Variants in ATP8A2 observed in about 807,000 individuals in gnomAD.
ATP8A2 encodes ATPase phospholipid transporting 8A2.
Under a neutral mutation model 165.6 loss-of-function variants are expected in ATP8A2, and 100 were observed. The observed-to-expected ratio is 0.60, with a 90% CI of 0.51 to 0.71. The LOEUF (loss-of-function observed/expected upper bound fraction) is 0.71, where lower values mean the gene tolerates loss of function less well. Among genes scored for constraint, ATP8A2 ranks in the 30% least tolerant of loss-of-function variants. The pLI, the probability that ATP8A2 is intolerant of heterozygous loss-of-function variation, is 0.00. For missense variants in ATP8A2, 1,227 were observed against 1,479.5 expected (o/e 0.83, Z 2.80); for synonymous variants, 543 against 548.8 (o/e 0.99, Z 0.15).
intron 27 of ATP8A2, among the ~76,000 whole-genome samples, chr13:25,779,343 C>T (rs375401325): frequency 8.2e-6 from 1 of 121,984 alleles, no homozygotes; most frequent in African/African-American, 3.2e-5. Flanking sequence ...CTGTTGTTGT[C>T]TAGAATGCTC....
chr13:25,427,621 C>T (rs1433737859), intron 1 of ATP8A2, among the ~76,000 whole-genome samples: 1 of 152,116 alleles, frequency 6.6e-6, no homozygotes, highest in Non-Finnish European at 1.5e-5. Flanking sequence ...AATGGCTGAG[C>T]ACAGTGGCTC....
chr13:25,615,266 G>T (rs559684966), intron 24 of ATP8A2, among the ~76,000 whole-genome samples: 1 of 152,260 alleles, frequency 6.6e-6, no homozygotes, highest in Admixed American at 6.5e-5. Context: ...TATCTTCCCA[G>T]GGGGATTATG....
At chr13:25,539,275 T>G (rs1385304866) in intron 7 of ATP8A2, among the ~76,000 whole-genome samples, 1 of 152,046 alleles carries the variant, frequency 6.6e-6, no homozygotes, top group Non-Finnish European at 1.5e-5. Flanking sequence ...TTTTAAAAAT[T>G]TTTTTGTAGA....
rs1481591043 is a variant in ATP8A2 at position 26,025,545 on chromosome 13, G to A, written c.*5560G>A. On this transcript the variant is annotated 3_prime_UTR_variant, in exon 37 of 37. Coordinates refer to ENST00000381655, the MANE Select transcript of ATP8A2 (RefSeq NM_016529.6). ...TAATCTGGTGATGCAGAGGGAAGCA[G>A]GGCTGTGGGGGCACGTTTAATTGGC... is the stretch of plus-strand genomic sequence containing the variant. 1 of 152,332 alleles carries A rather than the reference G, an allele frequency of 6.6e-6. No individual in the cohort carries two copies. The highest frequency in any genetic ancestry group is 1.5e-5 in the Non-Finnish European group (1 of 68,082). 9.4% of individuals were successfully genotyped at this position (152,332 alleles called of 1,614,324 possible).
At chr13:25,835,245 C>G (rs545587099) in intron 28 of ATP8A2, among the ~76,000 whole-genome samples, 1 of 152,194 alleles carries the variant, frequency 6.6e-6, no homozygotes, top group South Asian at 2.1e-4. Flanking sequence ...GAAGCTCTGT[C>G]CAGCTATAAA....
At chr13:25,685,866 C>T (rs1363479985) in intron 24 of ATP8A2, among the ~76,000 whole-genome samples, 1 of 152,080 alleles carries the variant, frequency 6.6e-6, no homozygotes, top group Non-Finnish European at 1.5e-5. Flanking sequence ...GGTGGAGGCC[C>T]AGGGACAGTT....
At chr13:25,776,923 G>A (rs1230870001) in intron 27 of ATP8A2, among the ~76,000 whole-genome samples, 1 of 151,282 alleles carries the variant, frequency 6.6e-6, no homozygotes, top group African/African-American at 2.4e-5. Context: ...TTTTCAGATC[G>A]TCCCCTAGGG....
chr13:25,799,612 C>T (rs2138447111), intron 27 of ATP8A2, among the ~76,000 whole-genome samples: 1 of 152,306 alleles, frequency 6.6e-6, no homozygotes, highest in Non-Finnish European at 1.5e-5. Flanking sequence ...CAGCTGTGGG[C>T]TGCAGAAGAG....
At chr13:25,587,935 A>G (rs1397685777) in intron 23 of ATP8A2, among the ~76,000 whole-genome samples, 3 of 152,218 alleles carry the variant, frequency 2.0e-5, no homozygotes, top group African/African-American at 7.2e-5. Flanking sequence ...TTGTAAATGT[A>G]TAGAAAATTG....
At chr13:25,808,239 C>G (rs769369220) in intron 27 of ATP8A2, among the ~76,000 whole-genome samples, 5 of 151,408 alleles carry the variant, frequency 3.3e-5, no homozygotes, top group Non-Finnish European at 5.9e-5. Context: ...AAGTGATTCT[C>G]CCACTTCAAC....
At chr13:25,809,125 C>G (rs1375668007) in intron 27 of ATP8A2, among the ~76,000 whole-genome samples, 1 of 152,110 alleles carries the variant, frequency 6.6e-6, no homozygotes, top group Non-Finnish European at 1.5e-5. Flanking sequence ...CAGTGAAATA[C>G]TGCTTTTAAA....
intron 30 of ATP8A2, among the ~76,000 whole-genome samples, chr13:25,844,504 C>T (rs1018253523): frequency 2.6e-5 from 4 of 152,160 alleles, no homozygotes; most frequent in Admixed American, 1.3e-4. Context: ...GCTGGGATTA[C>T]AGGTGTGAGC....
chr13:25,855,492 T>C (rs1362180323), intron 30 of ATP8A2, among the ~76,000 whole-genome samples: 2 of 152,358 alleles, frequency 1.3e-5, no homozygotes, highest in East Asian at 1.9e-4. Context: ...TTCTATCATA[T>C]TGATATACCA....
At chr13:25,770,245 A>G (rs886247402) in intron 26 of ATP8A2, among the ~76,000 whole-genome samples, 1 of 152,188 alleles carries the variant, frequency 6.6e-6, no homozygotes, top group Non-Finnish European at 1.5e-5. Flanking sequence ...CTTAGGAGTC[A>G]TGCAGCTGGA....
At chr13:25,941,402 A>C (rs903530521) in intron 33 of ATP8A2, among the ~76,000 whole-genome samples, 2 of 151,936 alleles carry the variant, frequency 1.3e-5, no homozygotes, top group African/African-American at 4.8e-5. Context: ...CCTCCCCTCC[A>C]TGCATGGCCT....
intron 1 of ATP8A2, among the ~76,000 whole-genome samples, chr13:25,430,309 C>G (rs1279922350): frequency 6.6e-6 from 1 of 151,790 alleles, no homozygotes; most frequent in African/African-American, 2.4e-5. Flanking sequence ...CATGGGGGGG[C>G]CCGTGTGGAG....
chr13:25,615,786 G>A (rs1391260881), intron 24 of ATP8A2, among the ~76,000 whole-genome samples: 1 of 152,120 alleles, frequency 6.6e-6, no homozygotes, highest in African/African-American at 2.4e-5. Context: ...CTCCAGGTAA[G>A]GTCAAATCCT....
rs528422629 is a variant in ATP8A2, at chr13:25,504,726, G to A, written c.222-25273G>A. Reference sequence around the variant, plus strand: ...CTGCAGTCCGCAGTCCGGCCTGGGCGACAGAGCGAGACTCCGTCTCAAAAA... The same window carrying A: ...CTGCAGTCCGCAGTCCGGCCTGGGCAACAGAGCGAGACTCCGTCTCAAAAA... On this transcript the variant is annotated intron_variant, in intron 2 of 36. Transcript: ENST00000381655. Among the ~76,000 whole-genome samples the A allele has an allele frequency of 3.7e-3, 449 of 120,324 alleles. 3 individuals are homozygous for A. Among genetic ancestry groups the A allele is most frequent in the Middle Eastern group, 0.027 (3 of 110 alleles). The allele number at this position is 120,324 out of a possible 152,430, so 78.9% of individuals were successfully genotyped here. A position where few individuals can be genotyped will look rare whatever the true frequency, so the allele number is the denominator to read the frequency against.
At chr13:25,509,138 G>A (rs2037140882) in intron 2 of ATP8A2, among the ~76,000 whole-genome samples, 1 of 152,172 alleles carries the variant, frequency 6.6e-6, no homozygotes, top group South Asian at 2.1e-4. Flanking sequence ...ATTTCTAGAA[G>A]TATCAAAATA....
Sources: gnomAD v4.1 joint callset for allele counts (sites outside exome capture counted in the v4.1 genomes callset) on GRCh38, gnomAD v4.1.1 for gene constraint, MANE v1.5 for transcripts, NCBI Gene and HGNC (gene_info 2026-07-23, HGNC 2026-07-21) for gene names.